Variants in KLK13 observed in about 807,000 individuals in gnomAD.
KLK13 encodes kallikrein-13.
Under a neutral mutation model 22.4 loss-of-function variants are expected in KLK13, and 19 were observed. That is an observed-to-expected ratio of 0.85 (90% confidence interval 0.59 to 1.24). The LOEUF (loss-of-function observed/expected upper bound fraction) is 1.24, where lower values mean the gene tolerates loss of function less well. Ranked by LOEUF, KLK13 falls within the 50% of genes most tolerant of loss-of-function variation. The probability of loss-of-function intolerance (pLI) is 0.00; values close to 1 mark genes in which losing one functional copy is unlikely to be tolerated. For missense variants in KLK13, 311 were observed against 347.9 expected, an observed-to-expected ratio of 0.89 and a Z score of 0.84; for synonymous variants, 156 against 141.8, an observed-to-expected ratio of 1.10 and a Z score of -0.71.
chr19:51,062,428 T>C (rs974683047), intron 1 of KLK13, among the ~76,000 whole-genome samples: 17 of 152,228 alleles, frequency 1.1e-4, no homozygotes, highest in Non-Finnish European at 2.2e-4. Context: ...TTCACATTTG[T>C]ATGTATTCGT....
In KLK13 at chr19:51,058,574, A is replaced by G; in HGVS notation, c.609T>C (p.Cys203=). Residue 203 remains cysteine, a synonymous_variant, in exon 4 of 5, where the codon TGT becomes TGC. Coordinates refer to ENST00000595793, the MANE Select transcript of KLK13 (RefSeq NM_015596.3). ...CTTTGCCACCCTCTTTTGTGCCGGC[A>G]CACAACATGTTGTCAGTGATCTTTC... is the stretch of plus-strand genomic sequence containing the variant. ...YPGKITDNML[C]AGTKEGGKDS... The G allele has an allele frequency of 8.7e-6, 14 of 1,614,078 alleles. No homozygotes were observed. The highest frequency in any genetic ancestry group is 1.1e-5 in the Non-Finnish European group (13 of 1,180,008).
chr19:51,065,036 A>T lies in KLK13; in HGVS notation c.32T>A (p.Leu11Gln). The T allele has an allele frequency of 4.6e-6, 6 of 1,304,690 alleles. No individual in the cohort carries two copies. The highest frequency in any genetic ancestry group is 1.6e-5 in the African/African-American group (1 of 64,272). 80.8% of individuals were successfully genotyped at this position (1,304,690 alleles called of 1,614,324 possible). Residue 11 changes from leucine (L) to glutamine (Q), a missense_variant, in exon 1 of 5, where the codon CTG becomes CAG. Transcript: ENST00000595793. MWPLALVIAS[L>Q]TLALSGGVSQ... The stretch of plus-strand genomic sequence containing the variant: ...CTTACCTCCTGACAAGGCCAAGGTC[A>T]GGGAGGCGATCACTAGGGCCAGGGG...
chr19:51,058,406 A>T lies in KLK13; in HGVS notation c.645+132T>A, dbSNP rs544153601. ...GTACCCCTTTTTGTCTTGACCTCCT[A>T]TGTGAGGGGACATTGTATCTTATAA... is the stretch of plus-strand genomic sequence containing the variant. On this transcript the variant is annotated intron_variant, in intron 4 of 4. Coordinates refer to ENST00000595793, the MANE Select transcript of KLK13 (RefSeq NM_015596.3). 2.8e-6 allele frequency: 3 copies of T among 1,062,238 alleles called. No homozygotes were observed. In the African/African-American group the frequency reaches 4.7e-5, roughly 17 times the overall value. The allele number at this position is 1,062,238 out of a possible 1,614,324, so 65.8% of individuals were successfully genotyped here.
chr19:51,058,697 C>T, intron 3 of KLK13, 23 bp from the exon 4 acceptor site: 1 of 1,613,554 alleles, frequency 6.2e-7, no homozygotes. Flanking sequence ...AAGAGAAGGT[C>T]TAAGGTATCC....
chr19:51,065,503 T>C (rs914717138), upstream of KLK13, among the ~76,000 whole-genome samples: 11 of 152,134 alleles, frequency 7.2e-5, no homozygotes, highest in African/African-American at 2.7e-4. Context: ...GGTTTCTCTC[T>C]AGATCTGAGA....
Position 51,060,426 on chromosome 19 carries a change from C to A in KLK13, c.239+7G>T. 1 of 1,572,814 alleles carries A rather than the reference C, an allele frequency of 6.4e-7. No individual in the cohort carries two copies. The highest frequency in any genetic ancestry group is 8.6e-7 in the Non-Finnish European group (1 of 1,156,356). ...CCCTACCCCATGCTCCCCCGGCCCC[C>A]ACATACTCCTTTAGACAGTGTGCGG... On this transcript the variant is annotated splice_region_variant and intron_variant, in intron 2 of 4. Transcript: ENST00000595793.
At chr19:51,064,826 G>T in intron 1 of KLK13, 190 bp downstream of exon 1, 1 of 611,700 alleles carries the variant, frequency 1.6e-6, no homozygotes. Context: ...GGGGTCGGAG[G>T]GCCAACCTCA....
intron 1 of KLK13, among the ~76,000 whole-genome samples, chr19:51,064,348 C>T (rs958331170): frequency 6.6e-6 from 1 of 151,690 alleles, no homozygotes; most frequent in Admixed American, 6.6e-5. Context: ...ATTAGTTGGG[C>T]GTGGTGGCGG....
At position 51,063,131 on chromosome 19, in the gene KLK13, G is replaced by A. The variant is rs552887299; in HGVS notation, c.52+1885C>T. Reference sequence around the variant, plus strand: ...CACTGAGCTCACTTTTCAAAGCCAGGAGGACACAGAAGCCTCATCAGGCCA... The same window carrying A: ...CACTGAGCTCACTTTTCAAAGCCAGAAGGACACAGAAGCCTCATCAGGCCA... On this transcript the variant is annotated intron_variant, in intron 1 of 4. Transcript: ENST00000595793. 4.6e-5 allele frequency among the ~76,000 whole-genome samples: 7 copies of A among 152,282 alleles called. No homozygotes were observed. In the South Asian group the frequency reaches 1.5e-3, roughly 32 times the overall value.
At chr19:51,060,802 G>C (rs145116023) in intron 1 of KLK13, among the ~76,000 whole-genome samples, 183 bp from the exon 2 acceptor site, 2 of 152,114 alleles carry the variant, frequency 1.3e-5, no homozygotes, top group Non-Finnish European at 2.9e-5. Flanking sequence ...TAGGGCAAAG[G>C]GGTGACATTA....
chr19:51,058,240 A>C (rs375060309), intron 4 of KLK13, among the ~76,000 whole-genome samples: 1 of 152,198 alleles, frequency 6.6e-6, no homozygotes, highest in African/African-American at 2.4e-5. Flanking sequence ...AAAAGCCTGC[A>C]TTTTGTTTAA....
At chr19:51,060,699 G>T in intron 1 of KLK13, 80 bp from the exon 2 acceptor site, 2 of 1,201,020 alleles carry the variant, frequency 1.7e-6, no homozygotes, top group Non-Finnish European at 2.4e-6. Context: ...TGGGTTTGGG[G>T]TAAGGGTCGG....
Position 51,058,648 on chromosome 19 carries a change from C to T in KLK13, c.535G>A (p.Ala179Thr), listed in dbSNP as rs766401110. The T allele has an allele frequency of 6.8e-6, 11 of 1,613,974 alleles. No individual in the cohort carries two copies. The African/African-American group carries it at 1.3e-4, about 20-fold the overall frequency. Residue 179 changes from alanine to threonine, a missense_variant, in exon 4 of 5, where the codon GCC becomes ACC. Transcript: ENST00000595793. ...QVNYPKTLQC[A>T]NIQLRSDEEC... ...TCATCTGAGCGAAGTTGGATGTTGG[C>T]ACATTGTAGAGTTTTGGGGTAATTC... is the stretch of plus-strand genomic sequence containing the variant.
chr19:51,064,590 C>T (rs191259649), intron 1 of KLK13: 137 of 513,638 alleles, frequency 2.7e-4, no homozygotes, highest in Middle Eastern at 2.2e-3. Flanking sequence ...GAAGGCTCGA[C>T]GCATTACCTC....
intron 1 of KLK13, chr19:51,063,715 G>A (rs541477184): frequency 6.6e-6 from 3 of 456,746 alleles, no homozygotes; most frequent in South Asian, 3.1e-5. Context: ...CCCACCTTCA[G>A]GCCAAGGATG....
chr19:51,064,877 C>T (rs2091766642), intron 1 of KLK13, 139 bp downstream of exon 1: 5 of 716,138 alleles, frequency 7.0e-6, no homozygotes, highest in Non-Finnish European at 1.2e-5. Flanking sequence ...AGGAAGAGCT[C>T]TGAGCTGTCC....
At chr19:51,057,782 C>T (rs1168926811) in intron 4 of KLK13, among the ~76,000 whole-genome samples, 2 of 151,056 alleles carry the variant, frequency 1.3e-5, no homozygotes, top group Non-Finnish European at 2.9e-5. Flanking sequence ...TGGCCATTTC[C>T]CCTTATTTTG....
At chr19:51,060,659 G>C (rs753948615) in intron 1 of KLK13, 40 bp from the exon 2 acceptor site, 2 of 1,510,496 alleles carry the variant, frequency 1.3e-6, no homozygotes, top group African/African-American at 1.4e-5. Context: ...TGGGATCCAG[G>C]GGGCAGAGGA....
chr19:51,060,801 G>A (rs536437803), intron 1 of KLK13, among the ~76,000 whole-genome samples, 182 bp from the exon 2 acceptor site: 62 of 152,272 alleles, frequency 4.1e-4, no homozygotes, highest in Admixed American at 1.4e-3. Context: ...TTAGGGCAAA[G>A]GGGTGACATT....
Sources: allele counts gnomAD v4.1 joint callset (sites outside exome capture counted in the v4.1 genomes callset), GRCh38; gene constraint gnomAD v4.1.1; transcripts MANE v1.5; gene names NCBI Gene and HGNC (gene_info 2026-07-23, HGNC 2026-07-21).